Variants in TTC28 observed in about 807,000 individuals in gnomAD.
TTC28 encodes tetratricopeptide repeat domain 28, also known as tetratricopeptide repeat protein 28.
A neutral mutation model predicts 198.0 loss-of-function variants in TTC28; 61 were observed. The ratio of observed to expected loss-of-function variants is 0.31; its 90% confidence interval spans 0.25 to 0.38. The LOEUF (loss-of-function observed/expected upper bound fraction) is 0.38, where lower values mean the gene tolerates loss of function less well. Ranked by LOEUF, TTC28 falls within the 10% of genes least tolerant of loss-of-function variation. The probability of loss-of-function intolerance (pLI) is 1.00; values close to 1 mark genes in which losing one functional copy is unlikely to be tolerated. For missense variants in TTC28, 2,678 were observed against 3,164.0 expected (o/e 0.85, Z 3.69); for synonymous variants, 1,171 against 1,297.8 (o/e 0.90, Z 2.10).
chr22:28,099,682 A>C (rs1012494027), intron 9 of TTC28, among the ~76,000 whole-genome samples: 2 of 152,236 alleles, frequency 1.3e-5, no homozygotes, highest in African/African-American at 4.8e-5. Context: ...AAAGATATTA[A>C]AACAGATATT....
intron 5 of TTC28, among the ~76,000 whole-genome samples, chr22:28,231,884 C>T (rs866414574): frequency 1.3e-5 from 2 of 152,150 alleles, no homozygotes; most frequent in Admixed American, 6.5e-5. Context: ...ATGTAAGGGA[C>T]GTTTTCTTTC....
chr22:28,183,458 G>A (rs559667110), intron 5 of TTC28, among the ~76,000 whole-genome samples: 1 of 152,248 alleles, frequency 6.6e-6, no homozygotes, highest in Non-Finnish European at 1.5e-5. Context: ...CCAGAGCCAG[G>A]TCTTCAGGAC....
intron 2 of TTC28, among the ~76,000 whole-genome samples, chr22:28,504,937 CT>C (rs1306302529): frequency 6.6e-6 from 1 of 151,616 alleles, no homozygotes; most frequent in East Asian, 1.9e-4. Flanking sequence ...AGTATTTTTT[CT>C]TAACTGGAAA....
Position 28,480,631 on chromosome 22 carries a change from A to G in TTC28, c.381+148921T>C, listed in dbSNP as rs188676285. Among the ~76,000 whole-genome samples the G allele has an allele frequency of 3.3e-5, 5 of 152,298 alleles. No individual in the cohort carries two copies. The East Asian group carries it at 9.7e-4, about 29-fold the overall frequency. ...GTTTCATTTGCATACATATGTAAGA[A>G]CCAAGTCAAAAGCTGAGGTTCCAGA... On this transcript the variant is annotated intron_variant, in intron 2 of 22. Transcript: ENST00000397906.
At chr22:28,646,000 C>T (rs1374739624) in intron 1 of TTC28, among the ~76,000 whole-genome samples, 2 of 151,918 alleles carry the variant, frequency 1.3e-5, no homozygotes, top group South Asian at 2.1e-4. Context: ...CATTCCCCCT[C>T]GGAACTGCAA....
At position 28,466,484 on chromosome 22, in the gene TTC28, T is replaced by C. The variant is rs544421688; in HGVS notation, c.382-159841A>G. 6.6e-5 allele frequency among the ~76,000 whole-genome samples: 10 copies of C among 152,298 alleles called. 1 individual carries two copies. In the South Asian group the frequency reaches 1.7e-3, roughly 25 times the overall value. ...CATTAATACTATATAAGATATGGTA[T>C]GCCAAACCAAAGTAATAAATCTAAA... On this transcript the variant is annotated intron_variant, in intron 2 of 22. Transcript: ENST00000397906.
At chr22:28,656,454 C>G (rs1007700186) in intron 1 of TTC28, among the ~76,000 whole-genome samples, 3 of 152,220 alleles carry the variant, frequency 2.0e-5, no homozygotes, top group African/African-American at 4.8e-5. Context: ...CCACTCGCAA[C>G]AGGGAGCAGC....
At chr22:28,295,858 C>T (rs1475261698) in intron 5 of TTC28, among the ~76,000 whole-genome samples, 1 of 152,088 alleles carries the variant, frequency 6.6e-6, no homozygotes, top group East Asian at 1.9e-4. Context: ...CCAATGTTTG[C>T]TTTTTACAAT....
chr22:28,556,051 T>TAA (rs775299578), intron 2 of TTC28, among the ~76,000 whole-genome samples: 1 of 145,746 alleles, frequency 6.9e-6, no homozygotes, highest in South Asian at 2.2e-4. Context: ...TTTGGTTTAT[T>TAA]AAAAAAAAAA....
chr22:28,458,273 C>CA (rs1024505073), intron 2 of TTC28, among the ~76,000 whole-genome samples: 1 of 151,858 alleles, frequency 6.6e-6, no homozygotes, highest in Non-Finnish European at 1.5e-5. Flanking sequence ...TCTACAGATA[C>CA]AAAAATAAAA....
Position 27,980,497 on chromosome 22 carries a change from G to T in TTC28, c.*1724C>A, listed in dbSNP as rs1304988506. On this transcript the variant is annotated 3_prime_UTR_variant, in exon 23 of 23. Transcript: ENST00000397906. ...ATATTATCCTTTCTTCTTTTCAGAGGAGTACACTGAGGAACAGGTGAGATT... is the reference window on the plus strand; with the variant it reads ...ATATTATCCTTTCTTCTTTTCAGAGTAGTACACTGAGGAACAGGTGAGATT... The T allele has an allele frequency of 1.3e-5, 2 of 152,226 alleles. No homozygotes were observed. The highest frequency in any genetic ancestry group is 2.9e-5 in the Non-Finnish European group (2 of 68,044). The allele number at this position is 152,226 out of a possible 1,614,324, so 9.4% of individuals were successfully genotyped here. A position where few individuals can be genotyped will look rare whatever the true frequency, so the allele number is the denominator to read the frequency against.
chr22:28,190,168 T>C (rs144160297), intron 5 of TTC28, among the ~76,000 whole-genome samples: 203 of 152,352 alleles, frequency 1.3e-3, no homozygotes, highest in Middle Eastern at 6.8e-3. Flanking sequence ...TTACCTGCAG[T>C]GTGCATTCTA....
chr22:28,620,360 AAAG>A (rs887819264), intron 2 of TTC28, among the ~76,000 whole-genome samples: 6 of 151,660 alleles, frequency 4.0e-5, no homozygotes, highest in East Asian at 3.9e-4. Context: ...AAAAAAAAAA[AAAG>A]AAAGAAAGAA....
chr22:28,148,154 T>C (rs1461649589), intron 6 of TTC28, among the ~76,000 whole-genome samples: 1 of 152,244 alleles, frequency 6.6e-6, no homozygotes, highest in Admixed American at 6.5e-5. Flanking sequence ...CATTTAGCTA[T>C]AGGGCAAAGG....
chr22:28,313,793 A>T (rs1043752798), intron 2 of TTC28, among the ~76,000 whole-genome samples: 3 of 152,194 alleles, frequency 2.0e-5, no homozygotes, highest in Non-Finnish European at 4.4e-5. Flanking sequence ...TCCCTTTGAA[A>T]ACTGGCACAA....
chr22:28,304,024 G>T (rs901867582), intron 3 of TTC28, among the ~76,000 whole-genome samples: 1 of 152,236 alleles, frequency 6.6e-6, no homozygotes, highest in East Asian at 1.9e-4. Flanking sequence ...GGTGGCTCAC[G>T]CCTGTAATCC....
intron 2 of TTC28, among the ~76,000 whole-genome samples, chr22:28,571,383 TAA>T (rs2050057570): frequency 6.6e-6 from 1 of 152,210 alleles, no homozygotes; most frequent in African/African-American, 2.4e-5. Context: ...TCAGAATTTA[TAA>T]TTCAGAAAAG....
chr22:28,676,277 GATTTCATTCTGTGAA>G (rs1447137209), intron 1 of TTC28, among the ~76,000 whole-genome samples: 2 of 152,200 alleles, frequency 1.3e-5, no homozygotes, highest in Non-Finnish European at 2.9e-5. Context: ...TATGTAGTAA[GATTTCATTCTGTGAA>G]ACCTCCAGAA....
At chr22:28,589,043 C>T in intron 2 of TTC28, among the ~76,000 whole-genome samples, 1 of 152,112 alleles carries the variant, frequency 6.6e-6, no homozygotes, top group South Asian at 2.1e-4. Context: ...CTTCTTAGCC[C>T]TCATTTCTCT....
Sources: allele counts gnomAD v4.1 joint callset (sites outside exome capture counted in the v4.1 genomes callset), GRCh38; gene constraint gnomAD v4.1.1; transcripts MANE v1.5; gene names NCBI Gene and HGNC (gene_info 2026-07-23, HGNC 2026-07-21).